Variants in CACNA2D3 observed in about 807,000 individuals in gnomAD.
CACNA2D3 encodes the protein calcium voltage-gated channel auxiliary subunit alpha2delta 3, also known as voltage-dependent calcium channel subunit alpha-2/delta-3.
A neutral mutation model predicts 160.6 loss-of-function variants in CACNA2D3; 60 were observed. That is an observed-to-expected ratio of 0.37 (90% CI 0.30 to 0.46). The LOEUF (loss-of-function observed/expected upper bound fraction) is 0.46, where lower values mean the gene tolerates loss of function less well. Ranked by LOEUF, CACNA2D3 falls within the 20% of genes least tolerant of loss-of-function variation. CACNA2D3 has a pLI of 1.00. For synonymous variants in CACNA2D3, 558 were observed against 492.9 expected (o/e 1.13, Z -1.75); for missense variants, 1,205 against 1,365.0 (o/e 0.88, Z 1.85).
chr3:55,042,325 GTTA>G (rs1467380465), intron 35 of CACNA2D3, among the ~76,000 whole-genome samples: 1 of 152,018 alleles, frequency 6.6e-6, no homozygotes, highest in Non-Finnish European at 1.5e-5. Flanking sequence ...TTGAAATCCT[GTTA>G]TTATGTGCTT....
chr3:54,537,333 C>T (rs933173687), intron 5 of CACNA2D3, among the ~76,000 whole-genome samples: 1 of 152,070 alleles, frequency 6.6e-6, no homozygotes, highest in Non-Finnish European at 1.5e-5. Context: ...AAATTCTTGC[C>T]CTCACCTCTC....
At chr3:54,472,770 T>G (rs900171093) in intron 4 of CACNA2D3, among the ~76,000 whole-genome samples, 2 of 152,106 alleles carry the variant, frequency 1.3e-5, no homozygotes, top group African/African-American at 4.8e-5. Flanking sequence ...AAATCATGAG[T>G]GAACTCCCAT....
At chr3:54,438,397 C>T (rs1289757031) in intron 4 of CACNA2D3, among the ~76,000 whole-genome samples, 2 of 152,048 alleles carry the variant, frequency 1.3e-5, no homozygotes, top group Non-Finnish European at 2.9e-5. Flanking sequence ...AAATAAGGAC[C>T]ACGAAGACTT....
At chr3:54,425,625 T>A (rs958864667) in intron 4 of CACNA2D3, among the ~76,000 whole-genome samples, 1 of 152,056 alleles carries the variant, frequency 6.6e-6, no homozygotes, top group African/African-American at 2.4e-5. Context: ...CAAGGCAGAG[T>A]GGGTTCGGGT....
intron 4 of CACNA2D3, among the ~76,000 whole-genome samples, chr3:54,388,862 C>T (rs1040091843): frequency 2.0e-5 from 3 of 152,122 alleles, no homozygotes; most frequent in African/African-American, 7.2e-5. Flanking sequence ...AACTGTGTCA[C>T]TTTTCTCAGA....
chr3:54,279,190 A>G (rs1702815437), intron 2 of CACNA2D3, among the ~76,000 whole-genome samples: 1 of 152,154 alleles, frequency 6.6e-6, no homozygotes, highest in African/African-American at 2.4e-5. Context: ...TTTAATTCCC[A>G]GTTTCATGAG....
intron 2 of CACNA2D3, among the ~76,000 whole-genome samples, chr3:54,273,471 A>G (rs536202851): frequency 3.4e-4 from 52 of 152,196 alleles, no homozygotes; most frequent in African/African-American, 1.2e-3. Context: ...CCAATCACAT[A>G]TAAACTAAAC....
At chr3:54,353,077 C>T (rs1698592045) in intron 3 of CACNA2D3, among the ~76,000 whole-genome samples, 2 of 152,178 alleles carry the variant, frequency 1.3e-5, no homozygotes, top group Non-Finnish European at 2.9e-5. Context: ...GCCTGATGTG[C>T]TATCAAATAA....
chr3:54,804,521 C>A (rs571277194), intron 13 of CACNA2D3, among the ~76,000 whole-genome samples: 3 of 152,276 alleles, frequency 2.0e-5, no homozygotes, highest in African/African-American at 7.2e-5. Context: ...TATATATGCA[C>A]CCAATACAGG....
At chr3:54,829,003 A>C (rs1703808993) in intron 14 of CACNA2D3, among the ~76,000 whole-genome samples, 1 of 152,218 alleles carries the variant, frequency 6.6e-6, no homozygotes, top group South Asian at 2.1e-4. Flanking sequence ...TCTAATTGTA[A>C]AGTCTCTCAA....
At chr3:54,868,928 A>G (rs969175551) in intron 17 of CACNA2D3, among the ~76,000 whole-genome samples, 1 of 152,160 alleles carries the variant, frequency 6.6e-6, no homozygotes, top group Admixed American at 6.5e-5. Context: ...GCCATTTTAC[A>G]TACAATATTT....
intron 4 of CACNA2D3, among the ~76,000 whole-genome samples, chr3:54,473,449 A>T (rs71601043): frequency 1.3e-5 from 2 of 152,190 alleles, no homozygotes; most frequent in African/African-American, 4.8e-5. Context: ...AACCTAGGCA[A>T]TACCATTCAG....
intron 35 of CACNA2D3, among the ~76,000 whole-genome samples, chr3:55,054,397 TC>T (rs936182001): frequency 2.4e-4 from 36 of 152,050 alleles, no homozygotes; most frequent in African/African-American, 7.5e-4. Flanking sequence ...GGTATACTGA[TC>T]CTATCTTCTG....
chr3:54,541,692 G>A (rs1158674350), intron 5 of CACNA2D3, among the ~76,000 whole-genome samples: 1 of 152,196 alleles, frequency 6.6e-6, no homozygotes, highest in Non-Finnish European at 1.5e-5. Flanking sequence ...GCTGCCGGAG[G>A]AAGTGGAAAG....
intron 13 of CACNA2D3, among the ~76,000 whole-genome samples, chr3:54,809,246 C>CTCTT (rs1196888908): frequency 1.3e-5 from 2 of 149,058 alleles, no homozygotes; most frequent in Non-Finnish European, 3.0e-5. Flanking sequence ...CTCTCCCTCT[C>CTCTT]TCTTCCTTTC....
chr3:54,882,206 A>C (rs1442285771), intron 21 of CACNA2D3, among the ~76,000 whole-genome samples: 1 of 152,210 alleles, frequency 6.6e-6, no homozygotes, highest in Admixed American at 6.5e-5. Flanking sequence ...CTCTGTGGAC[A>C]TCACTGCCCA....
chr3:54,808,731 G>C (rs1239608487), intron 13 of CACNA2D3, among the ~76,000 whole-genome samples: 2 of 152,124 alleles, frequency 1.3e-5, no homozygotes, highest in African/African-American at 4.8e-5. Context: ...TATTAGTAGA[G>C]ATAGGAGTCA....
chr3:54,565,717 C>G (rs1014198131), intron 6 of CACNA2D3, among the ~76,000 whole-genome samples: 1 of 152,148 alleles, frequency 6.6e-6, no homozygotes, highest in Non-Finnish European at 1.5e-5. Context: ...TAACATAATG[C>G]TGTAGGAAGA....
At chr3:54,600,925 C>T (rs1249820693) in intron 9 of CACNA2D3, among the ~76,000 whole-genome samples, 2 of 152,074 alleles carry the variant, frequency 1.3e-5, no homozygotes, top group Non-Finnish European at 2.9e-5. Flanking sequence ...AATTTTGACT[C>T]ACTTTCATAG....
Sources: allele counts gnomAD v4.1 joint callset (sites outside exome capture counted in the v4.1 genomes callset), GRCh38; gene constraint gnomAD v4.1.1; transcripts MANE v1.5; gene names NCBI Gene and HGNC (gene_info 2026-07-23, HGNC 2026-07-21).